Variants in BRINP2 observed in about 807,000 individuals in gnomAD.
BRINP2 encodes BMP/retinoic acid-inducible neural-specific protein 2.
BRINP2 carries 21 observed loss-of-function variants against 69.2 expected under a neutral mutation model. The observed-to-expected ratio is 0.30, with a 90% CI of 0.22 to 0.44. The LOEUF is 0.44. BRINP2 is among the 20% of genes least tolerant of loss of function. The pLI is 1.00. For missense variants in BRINP2, 877 were observed against 986.0 expected (o/e 0.89, Z 1.48); for synonymous variants, 380 against 394.1 (o/e 0.96, Z 0.42).
chr1:177,229,606 T>C (rs1649801026), intron 1 of BRINP2, among the ~76,000 whole-genome samples, 195 bp from the exon 2 acceptor site: 1 of 152,228 alleles, frequency 6.6e-6, no homozygotes. Flanking sequence ...ATGATGGCAA[T>C]AGTGTTTCCT....
chr1:177,191,655 C>G (rs1323474015), intron 1 of BRINP2, among the ~76,000 whole-genome samples: 1 of 152,166 alleles, frequency 6.6e-6, no homozygotes, highest in East Asian at 1.9e-4. Flanking sequence ...GGGATTTCAT[C>G]TTGTTGGCCA....
At chr1:177,180,286 G>T (rs769788312) in intron 1 of BRINP2, among the ~76,000 whole-genome samples, 1 of 152,176 alleles carries the variant, frequency 6.6e-6, no homozygotes, top group African/African-American at 2.4e-5. Flanking sequence ...CTTCCACCCT[G>T]GGTGGCTCTG....
At chr1:177,233,859 T>C (rs1185021991) in intron 2 of BRINP2, among the ~76,000 whole-genome samples, 3 of 152,136 alleles carry the variant, frequency 2.0e-5, no homozygotes, top group African/African-American at 7.2e-5. Flanking sequence ...GCTCCTTTGT[T>C]CCAGGGATGA....
In BRINP2 at chr1:177,171,546, C is replaced by T. The variant is rs1194549298; in HGVS notation, c.-263C>T. On this transcript the variant is annotated 5_prime_UTR_variant, in exon 1 of 8. Transcript: ENST00000361539. ...AGAGACATCCGCTCCCTCTCACACG[C>T]TGAGGGGGAGGCATTCGCGTTTCCC... 1 of 153,272 alleles carries T rather than the reference C, an allele frequency of 6.5e-6. No individual in the cohort carries two copies. The highest frequency in any genetic ancestry group is 2.4e-5 in the African/African-American group (1 of 41,424). The allele number at this position is 153,272 out of a possible 1,614,324, so 9.5% of individuals were successfully genotyped here.
At chr1:177,241,313 G>C (rs765862691) in intron 2 of BRINP2, among the ~76,000 whole-genome samples, 8 of 152,132 alleles carry the variant, frequency 5.3e-5, no homozygotes, top group Admixed American at 1.3e-4. Flanking sequence ...ACATTATGAA[G>C]ATCTTTTGGA....
chr1:177,204,485 A>G (rs1649012985), intron 1 of BRINP2, among the ~76,000 whole-genome samples: 1 of 151,736 alleles, frequency 6.6e-6, no homozygotes, highest in East Asian at 1.9e-4. Flanking sequence ...CAGAACAAGC[A>G]GAAAAAAAAA....
At chr1:177,233,428 C>T (rs1226608907) in intron 2 of BRINP2, among the ~76,000 whole-genome samples, 1 of 152,156 alleles carries the variant, frequency 6.6e-6, no homozygotes, top group Non-Finnish European at 1.5e-5. Flanking sequence ...TTGATGTAGG[C>T]ACTTAGGATA....
At chr1:177,176,524 TA>T (rs1451397045) in intron 1 of BRINP2, among the ~76,000 whole-genome samples, 1 of 109,120 alleles carries the variant, frequency 9.2e-6, no homozygotes, top group Non-Finnish European at 1.6e-5. Flanking sequence ...TTATTATTAT[TA>T]TTATTATTAT....
intron 1 of BRINP2, among the ~76,000 whole-genome samples, chr1:177,193,535 A>G (rs146691664): frequency 5.3e-5 from 8 of 152,350 alleles, no homozygotes; most frequent in African/African-American, 1.9e-4. Flanking sequence ...AAGAACTTTC[A>G]GGAACCATAT....
At chr1:177,260,421 C>T (rs1650906677) in intron 4 of BRINP2, among the ~76,000 whole-genome samples, 1 of 152,176 alleles carries the variant, frequency 6.6e-6, no homozygotes, top group South Asian at 2.1e-4. Flanking sequence ...ATTTCATAAA[C>T]TTAGTTGATA....
At chr1:177,265,149 C>T (rs1041494497) in intron 4 of BRINP2, among the ~76,000 whole-genome samples, 14 of 152,036 alleles carry the variant, frequency 9.2e-5, no homozygotes, top group African/African-American at 4.8e-5. Flanking sequence ...GAAATAAAGC[C>T]ACTCATCTAC....
At chr1:177,212,271 C>T (rs903172534) in intron 1 of BRINP2, among the ~76,000 whole-genome samples, 29 of 152,234 alleles carry the variant, frequency 1.9e-4, no homozygotes, top group African/African-American at 4.6e-4. Flanking sequence ...TTAGGCCAGG[C>T]GCGGTGGCTC....
intron 1 of BRINP2, among the ~76,000 whole-genome samples, chr1:177,188,593 GA>G (rs1648499973): frequency 6.6e-6 from 1 of 152,124 alleles, no homozygotes; most frequent in Non-Finnish European, 1.5e-5. Flanking sequence ...GATAACTGGA[GA>G]ATTTCCATGG....
At chr1:177,277,044 A>G (rs1651522992) in intron 6 of BRINP2, among the ~76,000 whole-genome samples, 1 of 152,220 alleles carries the variant, frequency 6.6e-6, no homozygotes, top group South Asian at 2.1e-4. Flanking sequence ...CTCAATGTAT[A>G]AAGAACTCTG....
chr1:177,180,632 T>C (rs1648217850), intron 1 of BRINP2, among the ~76,000 whole-genome samples: 1 of 152,100 alleles, frequency 6.6e-6, no homozygotes, highest in East Asian at 1.9e-4. Flanking sequence ...ATAAAGCAGA[T>C]AAAAGGGGAG....
Position 177,252,044 on chromosome 1 carries a change from T to C in BRINP2, c.270-3875T>C, listed in dbSNP as rs553271737. On this transcript the variant is annotated intron_variant, in intron 2 of 7. Coordinates refer to ENST00000361539, the MANE Select transcript of BRINP2 (RefSeq NM_021165.4). ...AATCTGATTTTATGATTCATCAATG[T>C]AATTATCAACTAACCAGTGAGAGGA... 9.8e-5 allele frequency among the ~76,000 whole-genome samples: 15 copies of C among 152,324 alleles called. No homozygotes were observed. The South Asian group carries it at 3.1e-3, about 32-fold the overall frequency.
intron 2 of BRINP2, among the ~76,000 whole-genome samples, chr1:177,241,169 C>T (rs1236560655): frequency 6.6e-6 from 1 of 152,138 alleles, no homozygotes; most frequent in Non-Finnish European, 1.5e-5. Context: ...GACCGGGTTT[C>T]ACCGTGTTAG....
rs1182270195 is a variant in BRINP2, at chr1:177,256,937, T to G, written c.461-239T>G. The G allele has an allele frequency of 3.6e-6, 5 of 1,372,192 alleles. No individual in the cohort carries two copies. The Admixed American group carries it at 1.4e-4, about 39-fold the overall frequency. 85.0% of individuals were successfully genotyped at this position (1,372,192 alleles called of 1,614,324 possible). Reference sequence around the variant, plus strand: ...AGTTCAATAGAAGATGTTAAACAGATAAGCTGAGGGCAGGGGGACTGAGCT... The same window carrying G: ...AGTTCAATAGAAGATGTTAAACAGAGAAGCTGAGGGCAGGGGGACTGAGCT... On this transcript the variant is annotated intron_variant, in intron 3 of 7. Transcript: ENST00000361539.
rs541541413 is a variant in BRINP2, at chr1:177,205,542, G to T, written c.-76-24259G>T. Reference sequence around the variant, plus strand: ...TGAGTACAGATCCTAGGATAACCTTGATCTGGAACCAAATCAGGCCAGACA... The same window carrying T: ...TGAGTACAGATCCTAGGATAACCTTTATCTGGAACCAAATCAGGCCAGACA... On this transcript the variant is annotated intron_variant, in intron 1 of 7. Transcript: ENST00000361539. Among the ~76,000 whole-genome samples, 3 of 152,284 alleles carry T rather than the reference G, an allele frequency of 2.0e-5. No individual in the cohort carries two copies. The South Asian group carries it at 6.2e-4, about 32-fold the overall frequency.
Sources: allele counts gnomAD v4.1 joint callset (sites outside exome capture counted in the v4.1 genomes callset), GRCh38; gene constraint gnomAD v4.1.1; transcripts MANE v1.5; gene names NCBI Gene and HGNC (gene_info 2026-07-23, HGNC 2026-07-21).